ENOX1: variants seen among roughly 807,000 people sequenced by gnomAD.
The protein encoded by ENOX1 is ecto-NOX disulfide-thiol exchanger 1.
Under a neutral mutation model 82.5 loss-of-function variants are expected in ENOX1, and 42 were observed. The observed-to-expected ratio is 0.51, with a 90% confidence interval of 0.40 to 0.66. The LOEUF is 0.66. Among genes scored for constraint, ENOX1 ranks in the 30% least tolerant of loss-of-function variants. The pLI, the probability that ENOX1 is intolerant of heterozygous loss-of-function variation, is 0.00. For synonymous variants in ENOX1, 271 were observed against 282.2 expected, an observed-to-expected ratio of 0.96 and a Z score of 0.40; for missense variants, 608 against 811.6, an observed-to-expected ratio of 0.75 and a Z score of 3.05.
chr13:43,780,229 A>G (rs1952186682), intron 1 of ENOX1, among the ~76,000 whole-genome samples: 1 of 152,114 alleles, frequency 6.6e-6, no homozygotes, highest in Non-Finnish European at 1.5e-5. Flanking sequence ...TTATATGGTA[A>G]ATGCCCAACA....
At chr13:43,248,765 T>C (rs1032152962) in intron 14 of ENOX1, among the ~76,000 whole-genome samples, 2 of 152,150 alleles carry the variant, frequency 1.3e-5, no homozygotes, top group Non-Finnish European at 2.9e-5. Context: ...GAAATTCTAC[T>C]ACCAAGATAT....
chr13:43,711,195 T>C (rs1429876443), intron 1 of ENOX1, among the ~76,000 whole-genome samples: 2 of 151,764 alleles, frequency 1.3e-5, no homozygotes, highest in African/African-American at 4.8e-5. Flanking sequence ...TTGCGATAGT[T>C]TGCTTAGAAT....
chr13:43,358,487 T>G (rs1224595314), intron 7 of ENOX1, among the ~76,000 whole-genome samples: 1 of 152,064 alleles, frequency 6.6e-6, no homozygotes, highest in Non-Finnish European at 1.5e-5. Context: ...CCAAGTGTAC[T>G]GAGGGATGAC....
intron 13 of ENOX1, among the ~76,000 whole-genome samples, chr13:43,269,146 T>C (rs551758878): frequency 2.0e-5 from 3 of 152,340 alleles, no homozygotes; most frequent in African/African-American, 7.2e-5. Context: ...CTGTTAGACT[T>C]AAGAGGAAAC....
intron 2 of ENOX1, among the ~76,000 whole-genome samples, chr13:43,650,267 G>C (rs1044785116): frequency 1.3e-5 from 2 of 152,250 alleles, no homozygotes; most frequent in South Asian, 2.1e-4. Flanking sequence ...AAATATTTTA[G>C]CTTTTGAAGA....
At chr13:43,675,243 A>G (rs1489986881) in intron 1 of ENOX1, among the ~76,000 whole-genome samples, 1 of 152,222 alleles carries the variant, frequency 6.6e-6, no homozygotes, top group Non-Finnish European at 1.5e-5. Flanking sequence ...GGATTTAAAG[A>G]GGAGCTGACA....
At position 43,753,448 on chromosome 13, in the gene ENOX1, A is replaced by C. The variant is rs1000780743; in HGVS notation, c.-285+33204T>G. Among the ~76,000 whole-genome samples the C allele has an allele frequency of 2.0e-5, 3 of 152,068 alleles. No individual in the cohort carries two copies. In the South Asian group the frequency reaches 6.2e-4, roughly 32 times the overall value. On this transcript the variant is annotated intron_variant, in intron 1 of 16. Transcript: ENST00000690772. Reference sequence around the variant, plus strand: ...CTATTGTAAATGGCATTTTTGTTTCAGTTCCTGACTGTTCATTGCTGGTAT... The same window carrying C: ...CTATTGTAAATGGCATTTTTGTTTCCGTTCCTGACTGTTCATTGCTGGTAT...
rs139677339 is a variant in ENOX1, at chr13:43,583,471, ACACTATTACT to A, written c.-219+83998_-219+84007del. Among the ~76,000 whole-genome samples, 1,348 of 152,274 alleles carry A rather than the reference ACACTATTACT, an allele frequency of 8.9e-3. 22 individuals carry two copies. Among genetic ancestry groups the A allele is most frequent in the African/African-American group, 0.031 (1,286 of 41,548 alleles). On this transcript the variant is annotated intron_variant, in intron 2 of 16. Coordinates refer to ENST00000690772, the MANE Select transcript of ENOX1 (RefSeq NM_001347969.2). ...ATCCCACTATTTCAATGACAGTCAA[ACACTATTACT>A]CACTTTTTCTTGTACTTATGCTATT... is the stretch of plus-strand genomic sequence containing the variant.
chr13:43,321,679 T>C (rs112187115), intron 11 of ENOX1, among the ~76,000 whole-genome samples: 5 of 152,368 alleles, frequency 3.3e-5, no homozygotes, highest in African/African-American at 1.2e-4. Context: ...ATGATGGCAA[T>C]TATGGTTCTT....
At chr13:43,707,522 T>C (rs1594496465) in intron 1 of ENOX1, among the ~76,000 whole-genome samples, 1 of 151,810 alleles carries the variant, frequency 6.6e-6, no homozygotes, top group Non-Finnish European at 1.5e-5. Flanking sequence ...GATCATGAGG[T>C]CAAGAGATCG....
At chr13:43,784,225 G>A (rs1952441205) in intron 1 of ENOX1, among the ~76,000 whole-genome samples, 1 of 152,182 alleles carries the variant, frequency 6.6e-6, no homozygotes, top group African/African-American at 2.4e-5. Context: ...TATTTTGCAT[G>A]TATGCATATG....
At chr13:43,325,694 A>G (rs1414252733) in intron 10 of ENOX1, among the ~76,000 whole-genome samples, 2 of 152,164 alleles carry the variant, frequency 1.3e-5, no homozygotes, top group Non-Finnish European at 2.9e-5. Flanking sequence ...ACATTCTTTC[A>G]TTAAAAAAAA....
intron 1 of ENOX1, among the ~76,000 whole-genome samples, chr13:43,690,095 T>C (rs2086275982): frequency 6.6e-6 from 1 of 152,174 alleles, no homozygotes; most frequent in African/African-American, 2.4e-5. Context: ...ATCTGAAATC[T>C]TGCTGGCATG....
chr13:43,726,246 G>C (rs1367866811), intron 1 of ENOX1, among the ~76,000 whole-genome samples: 41 of 137,396 alleles, frequency 3.0e-4, no homozygotes, highest in African/African-American at 1.1e-3. Context: ...ATGGAGTTTC[G>C]CTCTGTTGCC....
chr13:43,544,909 G>C (rs1178283938), intron 2 of ENOX1: 1 of 152,180 alleles, frequency 6.6e-6, no homozygotes, highest in Non-Finnish European at 1.5e-5. Flanking sequence ...GTTGATAAGA[G>C]AGAACAGTGG....
chr13:43,780,110 G>A (rs374429026), intron 1 of ENOX1, among the ~76,000 whole-genome samples: 6 of 150,864 alleles, frequency 4.0e-5, no homozygotes, highest in East Asian at 3.9e-4. Context: ...GCAGTGAGCC[G>A]AGATGGTGCC....
At chr13:43,448,551 A>G (rs1329746954) in intron 3 of ENOX1, among the ~76,000 whole-genome samples, 2 of 152,230 alleles carry the variant, frequency 1.3e-5, no homozygotes, top group Non-Finnish European at 2.9e-5. Context: ...TGAAGAGAAA[A>G]AAGAAAAAGC....
chr13:43,290,203 AC>A (rs1216834926), intron 12 of ENOX1, among the ~76,000 whole-genome samples: 2 of 152,184 alleles, frequency 1.3e-5, no homozygotes, highest in African/African-American at 4.8e-5. Context: ...CTATCATTCG[AC>A]CCAGCAAGGC....
chr13:43,411,458 T>C (rs2054120496), intron 5 of ENOX1, among the ~76,000 whole-genome samples: 2 of 152,216 alleles, frequency 1.3e-5, no homozygotes, highest in Admixed American at 1.3e-4. Context: ...GCTGAGTTTA[T>C]AGCTCTGCCA....
Sources: allele counts gnomAD v4.1 joint callset (sites outside exome capture counted in the v4.1 genomes callset), GRCh38; gene constraint gnomAD v4.1.1; transcripts MANE v1.5; gene names NCBI Gene and HGNC (gene_info 2026-07-23, HGNC 2026-07-21).